ADAMTS19: variants seen among roughly 807,000 people sequenced by gnomAD.
ADAMTS19 encodes A disintegrin and metalloproteinase with thrombospondin motifs 19.
ADAMTS19 carries 93 observed loss-of-function variants against 153.3 expected under a neutral mutation model. The observed-to-expected ratio is 0.61, with a 90% confidence interval of 0.51 to 0.72. ADAMTS19 has a LOEUF of 0.72. Ranked by LOEUF, ADAMTS19 falls within the 30% of genes least tolerant of loss-of-function variation. The pLI, the probability that ADAMTS19 is intolerant of heterozygous loss-of-function variation, is 0.00. For synonymous variants in ADAMTS19, 600 were observed against 556.6 expected (o/e 1.08, Z -1.10); for missense variants, 1,482 against 1,552.1 (o/e 0.95, Z 0.76).
intron 21 of ADAMTS19, among the ~76,000 whole-genome samples, chr5:129,705,551 C>T (rs1463210382): frequency 6.6e-6 from 1 of 152,144 alleles, no homozygotes; most frequent in African/African-American, 2.4e-5. Context: ...CACATTTGAA[C>T]TCTAAAAGGA....
chr5:129,623,104 G>A (rs1202401491), intron 10 of ADAMTS19, among the ~76,000 whole-genome samples: 1 of 152,086 alleles, frequency 6.6e-6, no homozygotes, highest in Admixed American at 6.6e-5. Context: ...ATTTTTAGAA[G>A]TATCTTTTAT....
chr5:129,681,966 C>T (rs1754836108), intron 17 of ADAMTS19, among the ~76,000 whole-genome samples: 1 of 152,100 alleles, frequency 6.6e-6, no homozygotes, highest in South Asian at 2.1e-4. Context: ...GCATAAAATG[C>T]CATTGTGTTC....
chr5:129,698,532 T>C (rs868047917), intron 19 of ADAMTS19, among the ~76,000 whole-genome samples: 5 of 152,226 alleles, frequency 3.3e-5, no homozygotes, highest in Admixed American at 6.5e-5. Flanking sequence ...AATTAAGTTC[T>C]AAGCCACGAA....
rs1381805288 is a variant in ADAMTS19, at chr5:129,651,003, G to A, written c.2176+2033G>A. Among the ~76,000 whole-genome samples, 5 of 152,156 alleles carry A rather than the reference G, an allele frequency of 3.3e-5. No individual in the cohort carries two copies. In the South Asian group the frequency reaches 8.3e-4, roughly 25 times the overall value. On this transcript the variant is annotated intron_variant, in intron 13 of 22. Transcript: ENST00000274487. ...GTTGACTCTTAAATACATTAAGGTG[G>A]CTGCCCACCCCCATGGTTCTTGGAA...
At chr5:129,655,950 A>T (rs1027641287) in intron 14 of ADAMTS19, among the ~76,000 whole-genome samples, 1 of 152,214 alleles carries the variant, frequency 6.6e-6, no homozygotes, top group Non-Finnish European at 1.5e-5. Flanking sequence ...TAGATATTTT[A>T]CCTATACATA....
At chr5:129,612,464 A>G (rs1413341731) in intron 8 of ADAMTS19, among the ~76,000 whole-genome samples, 2 of 152,098 alleles carry the variant, frequency 1.3e-5, no homozygotes, top group African/African-American at 2.4e-5. Flanking sequence ...AAGGAGAAAT[A>G]AAATACTTTA....
chr5:129,502,608 A>G (rs935983821), intron 2 of ADAMTS19, among the ~76,000 whole-genome samples: 3 of 152,216 alleles, frequency 2.0e-5, no homozygotes, highest in African/African-American at 7.2e-5. Context: ...TGATCATCTG[A>G]AAAGTTTTCC....
At chr5:129,651,855 T>G (rs1581188423) in intron 13 of ADAMTS19, among the ~76,000 whole-genome samples, 2 of 152,230 alleles carry the variant, frequency 1.3e-5, no homozygotes, top group East Asian at 3.8e-4. Context: ...CAGTAACTTT[T>G]TATTATAAAA....
At chr5:129,641,248 G>A (rs1752774854) in intron 10 of ADAMTS19, among the ~76,000 whole-genome samples, 1 of 152,062 alleles carries the variant, frequency 6.6e-6, no homozygotes, top group Non-Finnish European at 1.5e-5. Context: ...CCTTATCCAA[G>A]TATTTTTTAT....
chr5:129,509,283 A>G, intron 3 of ADAMTS19, 41 bp downstream of exon 3: 1 of 1,559,524 alleles, frequency 6.4e-7, no homozygotes, highest in Non-Finnish European at 8.7e-7. Context: ...TAAATATTCA[A>G]TGTGAGATGA....
chr5:129,547,807 G>A (rs1752917328), intron 6 of ADAMTS19, among the ~76,000 whole-genome samples: 1 of 150,688 alleles, frequency 6.6e-6, no homozygotes, highest in South Asian at 2.1e-4. Flanking sequence ...AAACAGCATG[G>A]TACTGCTACC....
chr5:129,606,324 T>C (rs762534097), intron 8 of ADAMTS19, among the ~76,000 whole-genome samples: 2 of 152,214 alleles, frequency 1.3e-5, no homozygotes, highest in African/African-American at 2.4e-5. Context: ...ATTTCTGTTA[T>C]TGGCACCATT....
At chr5:129,462,729 T>C (rs1749724875) in intron 2 of ADAMTS19, among the ~76,000 whole-genome samples, 1 of 152,212 alleles carries the variant, frequency 6.6e-6, no homozygotes, top group South Asian at 2.1e-4. Context: ...ATGTCCTTTA[T>C]GGTTGTTGCC....
chr5:129,522,332 C>T (rs13185298), intron 3 of ADAMTS19, among the ~76,000 whole-genome samples: 3,944 of 58,400 alleles, frequency 0.068, 295 homozygotes, highest in African/African-American at 0.18. Flanking sequence ...CACACACACA[C>T]ATATATATAT....
chr5:129,604,770 C>T (rs1036582139), intron 8 of ADAMTS19, among the ~76,000 whole-genome samples: 7 of 152,056 alleles, frequency 4.6e-5, no homozygotes, highest in African/African-American at 1.7e-4. Context: ...AATAAAGTAT[C>T]AGGTAAATTC....
intron 7 of ADAMTS19, among the ~76,000 whole-genome samples, chr5:129,584,785 C>T (rs1237191867): frequency 2.0e-5 from 3 of 152,212 alleles, no homozygotes; most frequent in Non-Finnish European, 4.4e-5. Flanking sequence ...CTTCAGACTG[C>T]TGTGCTGGCA....
At chr5:129,576,378 A>T (rs1321105510) in intron 7 of ADAMTS19, among the ~76,000 whole-genome samples, 4 of 152,152 alleles carry the variant, frequency 2.6e-5, no homozygotes, top group Non-Finnish European at 1.5e-5. Flanking sequence ...TTTTAAAAAT[A>T]TAGGTATTTC....
intron 8 of ADAMTS19, among the ~76,000 whole-genome samples, chr5:129,608,968 G>A (rs1462465145): frequency 6.6e-6 from 1 of 151,990 alleles, no homozygotes; most frequent in African/African-American, 2.4e-5. Context: ...TGTTATAACA[G>A]GCAAAAACCA....
intron 19 of ADAMTS19, among the ~76,000 whole-genome samples, chr5:129,699,192 C>T (rs1248099825): frequency 2.0e-5 from 3 of 151,940 alleles, no homozygotes; most frequent in Non-Finnish European, 4.4e-5. Context: ...GAGGCCAGAG[C>T]GGGTGAATCA....
Sources: gnomAD v4.1 joint callset for allele counts (sites outside exome capture counted in the v4.1 genomes callset) on GRCh38, gnomAD v4.1.1 for gene constraint, MANE v1.5 for transcripts, NCBI Gene and HGNC (gene_info 2026-07-23, HGNC 2026-07-21) for gene names.